AGTPBP1: variants seen among roughly 807,000 people sequenced by gnomAD.
The protein encoded by AGTPBP1 is cytosolic carboxypeptidase 1.
Under a neutral mutation model 143.9 loss-of-function variants are expected in AGTPBP1, and 70 were observed. That is an observed-to-expected ratio of 0.49 (90% CI 0.40 to 0.59). AGTPBP1 has a LOEUF of 0.59. Among genes scored for constraint, AGTPBP1 ranks in the 20% least tolerant of loss-of-function variants. AGTPBP1 has a pLI of 0.00. For synonymous variants in AGTPBP1, 463 were observed against 500.2 expected (o/e 0.93, Z 0.99); for missense variants, 1,229 against 1,464.5 (o/e 0.84, Z 2.62).
At chr9:85,640,211 A>G (rs1376619757) in intron 13 of AGTPBP1, among the ~76,000 whole-genome samples, 1 of 152,230 alleles carries the variant, frequency 6.6e-6, no homozygotes, top group Non-Finnish European at 1.5e-5. Context: ...AAAGCATGTC[A>G]CTTACATATT....
chr9:85,589,587 G>A lies in AGTPBP1; in HGVS notation c.2663C>T (p.Pro888Leu). 6.2e-7 allele frequency: 1 copy of A among 1,613,528 alleles called. No individual in the cohort carries two copies. The highest frequency in any genetic ancestry group is 8.5e-7 in the Non-Finnish European group (1 of 1,179,636). The change falls in exon 20 of 26, where the codon CCC (proline) becomes CTC (leucine). Residue 888 changes from proline (P) to leucine (L), a missense_variant. Pro to Leu is a moderately conservative substitution (Grantham distance 98, BLOSUM62 -3). Transcript: ENST00000357081. ...LCETLSGNSCPLVTITAMPES... is the reference protein window; with the variant it reads ...LCETLSGNSCLLVTITAMPES... ...TGGCATTGCTGTTATAGTCACCAAG[G>A]GGCAGCTGTTTCCAGACAGGGTTTC...
chr9:85,731,029 T>G (rs577720001), intron 1 of AGTPBP1, among the ~76,000 whole-genome samples: 2 of 152,346 alleles, frequency 1.3e-5, no homozygotes, highest in Admixed American at 6.5e-5. Flanking sequence ...ACTGTTTTAT[T>G]TTTAAATGAA....
At chr9:85,598,573 C>CTTA (rs1829445076) in intron 17 of AGTPBP1, among the ~76,000 whole-genome samples, 1 of 152,154 alleles carries the variant, frequency 6.6e-6, no homozygotes, top group Non-Finnish European at 1.5e-5. Context: ...TTCTGCCCTG[C>CTTA]TTATGTAAGT....
rs201357630 is a variant in AGTPBP1 at position 85,615,681 on chromosome 9, G to GT, written c.2335+3301dup. Among the ~76,000 whole-genome samples, 855 of 151,646 alleles carry GT rather than the reference G, an allele frequency of 5.6e-3. 3 individuals carry two copies. The highest frequency in any genetic ancestry group is 0.01 in the Non-Finnish European group (685 of 67,720). The stretch of plus-strand genomic sequence containing the variant: ...ACAGATAACAAAATGTTAAACAATG[G>GT]TTTTTTTTGGATGCTCCCTTTCTAA... On this transcript the variant is annotated intron_variant, in intron 17 of 25. Transcript: ENST00000357081.
chr9:85,752,227 A>C, the AGTPBP1 span, among the ~76,000 whole-genome samples: 1 of 151,944 alleles, frequency 6.6e-6, no homozygotes, highest in African/African-American at 2.4e-5. Flanking sequence ...ACAGAGTGAG[A>C]CTTTGTCTAG....
chr9:85,725,408 A>G (rs1838405030), intron 1 of AGTPBP1, among the ~76,000 whole-genome samples: 1 of 152,028 alleles, frequency 6.6e-6, no homozygotes, highest in Non-Finnish European at 1.5e-5. Flanking sequence ...GCCATGTGGT[A>G]GTGCACAGTA....
At chr9:85,751,584 A>C in the AGTPBP1 span, among the ~76,000 whole-genome samples, 2 of 151,554 alleles carry the variant, frequency 1.3e-5, no homozygotes, top group African/African-American at 4.9e-5. Flanking sequence ...TCATTTCTAA[A>C]CCCCTAGAAG....
At chr9:85,657,398 A>G in intron 10 of AGTPBP1, 37 bp downstream of exon 10, 1 of 1,488,780 alleles carries the variant, frequency 6.7e-7, no homozygotes, top group Non-Finnish European at 9.2e-7. Flanking sequence ...TCATATTATT[A>G]GTACATAATC....
At chr9:85,721,295 C>CT (rs1169116945) in intron 1 of AGTPBP1, among the ~76,000 whole-genome samples, 1 of 152,132 alleles carries the variant, frequency 6.6e-6, no homozygotes, top group Non-Finnish European at 1.5e-5. Flanking sequence ...GTGTGGGAGT[C>CT]TAAGTCTCTT....
the AGTPBP1 span, among the ~76,000 whole-genome samples, chr9:85,790,165 AAATAAAGGCGAG>A: frequency 6.6e-6 from 1 of 152,194 alleles, no homozygotes; most frequent in Non-Finnish European, 1.5e-5. Context: ...CAAAAACTGA[AAATAAAGGCGAG>A]AGTGAGATCC....
At chr9:85,636,973 C>T (rs146499291) in intron 13 of AGTPBP1, among the ~76,000 whole-genome samples, 4 of 151,242 alleles carry the variant, frequency 2.6e-5, no homozygotes, top group Non-Finnish European at 5.9e-5. Flanking sequence ...ACTTACCATA[C>T]ATACCACCCA....
intron 1 of AGTPBP1, among the ~76,000 whole-genome samples, chr9:85,733,560 C>T (rs372841573): frequency 6.6e-6 from 1 of 151,564 alleles, no homozygotes; most frequent in Non-Finnish European, 1.5e-5. Flanking sequence ...TAAGGAACTA[C>T]AAAAAGAAGA....
intron 13 of AGTPBP1, among the ~76,000 whole-genome samples, chr9:85,639,009 C>T (rs879471493): frequency 5.3e-5 from 8 of 152,038 alleles, no homozygotes; most frequent in South Asian, 4.1e-4. Flanking sequence ...ATATAGAATT[C>T]TTTTCAAACA....
chr9:85,730,456 AG>A (rs1427380818), intron 1 of AGTPBP1, among the ~76,000 whole-genome samples: 2 of 152,166 alleles, frequency 1.3e-5, no homozygotes, highest in African/African-American at 4.8e-5. Context: ...TGGCTCCAGT[AG>A]GCAAGGCTTT....
At chr9:85,801,188 T>C in the AGTPBP1 span, among the ~76,000 whole-genome samples, 3 of 152,032 alleles carry the variant, frequency 2.0e-5, no homozygotes, top group Non-Finnish European at 2.9e-5. Flanking sequence ...GGCATGCACC[T>C]GTAGTCCCAG....
chr9:85,770,886 G>C, the AGTPBP1 span, among the ~76,000 whole-genome samples: 3 of 151,990 alleles, frequency 2.0e-5, no homozygotes, highest in Non-Finnish European at 4.4e-5. Context: ...CTGCAGGGTA[G>C]GGGAATCTGT....
At chr9:85,780,892 A>G in the AGTPBP1 span, among the ~76,000 whole-genome samples, 6 of 152,284 alleles carry the variant, frequency 3.9e-5, no homozygotes, top group Admixed American at 6.5e-5. Flanking sequence ...CAAGGCGGGC[A>G]GTTCACGAGG....
At chr9:85,587,838 T>G (rs969863711) in intron 21 of AGTPBP1, among the ~76,000 whole-genome samples, 5 of 152,066 alleles carry the variant, frequency 3.3e-5, no homozygotes, top group Non-Finnish European at 7.4e-5. Context: ...TCTAAAGAAC[T>G]CCTGTCAAAA....
intron 2 of AGTPBP1, among the ~76,000 whole-genome samples, chr9:85,709,217 G>A (rs1462541529): frequency 6.6e-6 from 1 of 152,062 alleles, no homozygotes; most frequent in Non-Finnish European, 1.5e-5. Context: ...AACTAAAAGA[G>A]AAAAACTTTG....
Sources: allele counts gnomAD v4.1 joint callset (sites outside exome capture counted in the v4.1 genomes callset), GRCh38; gene constraint gnomAD v4.1.1; transcripts MANE v1.5; gene names NCBI Gene and HGNC (gene_info 2026-07-23, HGNC 2026-07-21).